Variants in ARFGEF3 observed in about 807,000 individuals in gnomAD.
ARFGEF3 encodes brefeldin A-inhibited guanine nucleotide-exchange protein 3.
ARFGEF3 carries 96 observed loss-of-function variants against 221.7 expected under a neutral mutation model. The observed-to-expected ratio is 0.43, with a 90% confidence interval of 0.37 to 0.51. ARFGEF3 has a LOEUF of 0.51. Ranked by LOEUF, ARFGEF3 falls within the 20% of genes least tolerant of loss-of-function variation. The pLI is 0.00. For synonymous variants in ARFGEF3, 1,145 were observed against 1,126.8 expected (o/e 1.02, Z -0.32); for missense variants, 2,410 against 2,789.9 (o/e 0.86, Z 3.07).
chr6:138,255,045 C>T (rs1778649595), intron 9 of ARFGEF3, among the ~76,000 whole-genome samples: 2 of 152,140 alleles, frequency 1.3e-5, no homozygotes, highest in African/African-American at 4.8e-5. Flanking sequence ...GTTCTGGGTC[C>T]CTGGGCTTAT....
At position 138,337,341 on chromosome 6, in the gene ARFGEF3, G is replaced by C. The variant is rs1283159578; in HGVS notation, c.*855G>C. On this transcript the variant is annotated 3_prime_UTR_variant, in exon 34 of 34. Transcript: ENST00000251691. ...AAGGAAAGGAAAGGAAAGAAGAAAA[G>C]GTGCCTTAGTCCTTTGTTGCACTTC... The C allele has an allele frequency of 6.6e-6, 1 of 152,632 alleles. No homozygotes were observed. Among genetic ancestry groups the C allele is most frequent in the Non-Finnish European group, 1.5e-5 (1 of 68,038 alleles). 9.5% of individuals were successfully genotyped at this position (152,632 alleles called of 1,614,324 possible).
intron 20 of ARFGEF3, among the ~76,000 whole-genome samples, chr6:138,296,131 C>G (rs1779515754): frequency 1.3e-5 from 2 of 151,994 alleles, no homozygotes; most frequent in African/African-American, 4.8e-5. Context: ...GCCCTCTTGG[C>G]AAAGAAGTAG....
intron 8 of ARFGEF3, among the ~76,000 whole-genome samples, chr6:138,249,665 T>A (rs1778545099): frequency 6.6e-6 from 1 of 152,176 alleles, no homozygotes; most frequent in African/African-American, 2.4e-5. Flanking sequence ...TGTGCATATG[T>A]TTCTAGGATT....
intron 2 of ARFGEF3, among the ~76,000 whole-genome samples, chr6:138,174,715 G>A (rs1776904161): frequency 6.6e-6 from 1 of 151,952 alleles, no homozygotes; most frequent in Non-Finnish European, 1.5e-5. Flanking sequence ...AAAATTGTTT[G>A]TTTTGGAAAG....
Position 138,287,076 on chromosome 6 carries a change from G to A in ARFGEF3, c.2788G>A (p.Val930Ile), listed in dbSNP as rs772017748. The change falls in exon 17 of 34, where the codon GTT becomes ATT. Residue 930 changes from valine to isoleucine, a missense_variant and splice_region_variant. Physicochemically the swap from Val to Ile is conservative, Grantham distance 29. Transcript: ENST00000251691. ...KAARLSCALG[V>I]AANCASALAQ... ...GTCATTGTGTGTCTCCTCTGAAGGC[G>A]TTGCTGCTAACTGCGCCTCAGCCCT... The A allele has an allele frequency of 1.2e-5, 19 of 1,569,454 alleles. No homozygotes were observed. The highest frequency in any genetic ancestry group is 7.1e-5 in the East Asian group (3 of 42,324).
intron 6 of ARFGEF3, among the ~76,000 whole-genome samples, chr6:138,242,325 C>A (rs1473554191): frequency 1.3e-5 from 2 of 152,198 alleles, no homozygotes; most frequent in Non-Finnish European, 2.9e-5. Context: ...TTGTAAATGT[C>A]TTTTCCTTCC....
Position 138,307,348 on chromosome 6 carries a change from C to T in ARFGEF3, c.3924C>T (p.Gly1308=), listed in dbSNP as rs898280086. Residue 1308 remains glycine (G), a synonymous_variant, in exon 23 of 34, where the codon GGC becomes GGT. Coordinates refer to ENST00000251691, the MANE Select transcript of ARFGEF3 (RefSeq NM_020340.5). ...TCAGTGCCCTGGAAACAGTGCATGG[C>T]GGGAACAAGTCAGAGATGAAGGAGT... ...PLFSALETVH[G]GNKSEMKEYL... 1.4e-5 allele frequency: 22 copies of T among 1,613,798 alleles called. No homozygotes were observed. Among genetic ancestry groups the T allele is most frequent in the South Asian group, 2.2e-5 (2 of 91,058 alleles).
intron 2 of ARFGEF3, among the ~76,000 whole-genome samples, chr6:138,206,312 C>T (rs78422257): frequency 6.7e-6 from 1 of 150,182 alleles, no homozygotes; most frequent in Non-Finnish European, 1.5e-5. Context: ...CCCTTGTTTT[C>T]CCTAACCTTT....
At chr6:138,281,565 A>C (rs773488912) in intron 14 of ARFGEF3, among the ~76,000 whole-genome samples, 55 of 152,170 alleles carry the variant, frequency 3.6e-4, no homozygotes, top group Non-Finnish European at 7.3e-4. Flanking sequence ...AACATATGGC[A>C]TTTGGTTTTC....
chr6:138,253,515 T>C (rs964009290), intron 8 of ARFGEF3, among the ~76,000 whole-genome samples: 1 of 152,168 alleles, frequency 6.6e-6, no homozygotes, highest in African/African-American at 2.4e-5. Flanking sequence ...GCCTTGTAGA[T>C]GGCTGTCTTC....
chr6:138,294,110 C>G lies in ARFGEF3; in HGVS notation c.3486C>G (p.Tyr1162Ter). 1 of 1,613,828 alleles carries G rather than the reference C, an allele frequency of 6.2e-7. No individual in the cohort carries two copies. Among genetic ancestry groups the G allele is most frequent in the Non-Finnish European group, 8.5e-7 (1 of 1,179,862 alleles). Residue 1162 changes from tyrosine to a stop codon, truncating the protein, a stop_gained, in exon 20 of 34, where the codon TAC becomes TAG. Coordinates refer to ENST00000251691, the MANE Select transcript of ARFGEF3 (RefSeq NM_020340.5). LOFTEE classifies it high-confidence loss of function. ...LFHSVTDTVD[Y>*]SLAMPGEVKS... ...ATTCTGTTACAGATACAGTTGATTA[C>G]TCTCTGGCAATGCCAGGTAATTCTT...
At chr6:138,219,713 A>G (rs1457214472) in intron 4 of ARFGEF3, among the ~76,000 whole-genome samples, 5 of 152,298 alleles carry the variant, frequency 3.3e-5, no homozygotes, top group Admixed American at 3.3e-4. Context: ...TGATGGTCTT[A>G]CGGGACTAAT....
chr6:138,289,785 C>T lies in ARFGEF3; in HGVS notation c.2897-33C>T, dbSNP rs764545996. On this transcript the variant is annotated intron_variant, in intron 17 of 33. Coordinates refer to ENST00000251691, the MANE Select transcript of ARFGEF3 (RefSeq NM_020340.5). ...CATTCTTTCTGTCTCCCTTACTCAA[C>T]CTGTTATTTTAATAAATGTCTTTCT... 3.8e-6 allele frequency: 6 copies of T among 1,599,912 alleles called. No homozygotes were observed. The South Asian group carries it at 6.7e-5, about 18-fold the overall frequency.
chr6:138,204,652 A>G (rs1230834166), intron 2 of ARFGEF3, among the ~76,000 whole-genome samples: 1 of 152,188 alleles, frequency 6.6e-6, no homozygotes, highest in Admixed American at 6.5e-5. Flanking sequence ...TCTGATACAT[A>G]TATTATTTAC....
intron 10 of ARFGEF3, among the ~76,000 whole-genome samples, chr6:138,260,919 C>A (rs945355544): frequency 6.6e-6 from 1 of 151,976 alleles, no homozygotes; most frequent in African/African-American, 2.4e-5. Flanking sequence ...ATGGATAAGT[C>A]CCTAGGAAAT....
At position 138,278,554 on chromosome 6, in the gene ARFGEF3, C is replaced by G; in HGVS notation, c.2232C>G (p.Leu744=). ...LYTAAHCALL[L]NLKLSHGDYY... The stretch of plus-strand genomic sequence containing the variant: ...CAGCTGCACACTGCGCCCTGCTCCT[C>G]AACCTGAAGCTCTCCCACGGTGACT... Residue 744 remains leucine, a synonymous_variant, in exon 13 of 34, where the codon CTC becomes CTG. Coordinates refer to ENST00000251691, the MANE Select transcript of ARFGEF3 (RefSeq NM_020340.5). 2.5e-6 allele frequency: 4 copies of G among 1,613,990 alleles called. No homozygotes were observed. The highest frequency in any genetic ancestry group is 1.7e-5 in the Admixed American group (1 of 60,030).
rs754438695 is a variant in ARFGEF3 at position 138,321,154 on chromosome 6, C to T, written c.4695C>T (p.Leu1565=). ...ESMINTMLKD[L]FELLVACVAK... is the part of the protein sequence containing the mutation. ...TGATCAATACCATGCTGAAGGACCTCTTTGAGTTGCTGGTCGCCTGTGTGG... is the reference window on the plus strand; with the variant it reads ...TGATCAATACCATGCTGAAGGACCTTTTTGAGTTGCTGGTCGCCTGTGTGG... The change falls in exon 29 of 34, where the codon CTC becomes CTT. Residue 1565 remains leucine (L), a synonymous_variant. Coordinates refer to ENST00000251691, the MANE Select transcript of ARFGEF3 (RefSeq NM_020340.5). 11 of 1,564,886 alleles carry T rather than the reference C, an allele frequency of 7.0e-6. 1 individual carries two copies. Among genetic ancestry groups the T allele is most frequent in the Middle Eastern group, 1.7e-4 (1 of 6,034 alleles).
chr6:138,305,676 A>G (rs560814215), intron 22 of ARFGEF3, among the ~76,000 whole-genome samples: 104 of 152,222 alleles, frequency 6.8e-4, no homozygotes, highest in African/African-American at 2.3e-3. Context: ...ACATTGTGGC[A>G]TATGGAATTT....
At chr6:138,240,461 C>G (rs1000233812) in intron 6 of ARFGEF3, among the ~76,000 whole-genome samples, 2 of 152,058 alleles carry the variant, frequency 1.3e-5, no homozygotes, top group Non-Finnish European at 2.9e-5. Flanking sequence ...AATATCCCAG[C>G]CTTTTAGCTC....
Sources: gnomAD v4.1 joint callset for allele counts (sites outside exome capture counted in the v4.1 genomes callset) on GRCh38, gnomAD v4.1.1 for gene constraint, MANE v1.5 for transcripts, NCBI Gene and HGNC (gene_info 2026-07-23, HGNC 2026-07-21) for gene names.